Variants in HECW1 observed in about 807,000 individuals in gnomAD.
HECW1 encodes E3 ubiquitin-protein ligase HECW1.
In HECW1, 61 loss-of-function variants were observed where a neutral mutation model predicts 182.3. The ratio of observed to expected loss-of-function variants is 0.33; its 90% CI spans 0.27 to 0.41. HECW1 has a LOEUF of 0.41. Among genes scored for constraint, HECW1 ranks in the 10% least tolerant of loss-of-function variants. HECW1 has a pLI of 1.00. For synonymous variants in HECW1, 859 were observed against 832.6 expected (o/e 1.03, Z -0.55); for missense variants, 1,739 against 2,108.9 (o/e 0.82, Z 3.44).
At chr7:43,536,128 A>G (rs1189936227) in intron 24 of HECW1, among the ~76,000 whole-genome samples, 43 of 152,216 alleles carry the variant, frequency 2.8e-4, no homozygotes, top group Admixed American at 2.7e-3. Flanking sequence ...GATCCTCAAT[A>G]GAAAGGATTT....
At chr7:43,403,875 AT>A (rs1354397408) in intron 7 of HECW1, among the ~76,000 whole-genome samples, 2 of 152,118 alleles carry the variant, frequency 1.3e-5, no homozygotes, top group African/African-American at 4.8e-5. Context: ...TTAAAATTCT[AT>A]TTTTTCATTC....
intron 8 of HECW1, among the ~76,000 whole-genome samples, chr7:43,433,813 G>A (rs1295224158): frequency 6.6e-6 from 1 of 152,184 alleles, no homozygotes; most frequent in Non-Finnish European, 1.5e-5. Flanking sequence ...AGAAGATGAG[G>A]AGCCATTTAT....
At chr7:43,280,887 G>C (rs1803808482) in intron 3 of HECW1, among the ~76,000 whole-genome samples, 1 of 152,180 alleles carries the variant, frequency 6.6e-6, no homozygotes, top group Admixed American at 6.5e-5. Context: ...GCAGTTAAGA[G>C]AGGGGAAGTC....
At chr7:43,214,432 T>A (rs532226114) in intron 2 of HECW1, among the ~76,000 whole-genome samples, 1 of 152,218 alleles carries the variant, frequency 6.6e-6, no homozygotes, top group Non-Finnish European at 1.5e-5. Context: ...CTTTTCTGAG[T>A]AATAGGTACA....
intron 8 of HECW1, among the ~76,000 whole-genome samples, chr7:43,419,723 C>G (rs140813469): frequency 6.6e-6 from 1 of 152,272 alleles, no homozygotes; most frequent in South Asian, 2.1e-4. Context: ...GTTAGAAATG[C>G]TTGTTTCCCA....
chr7:43,272,696 A>AG (rs1237814568), intron 3 of HECW1, among the ~76,000 whole-genome samples: 1 of 152,182 alleles, frequency 6.6e-6, no homozygotes, highest in Non-Finnish European at 1.5e-5. Context: ...TGTGGAGAAA[A>AG]GGGAACATTT....
chr7:43,430,051 T>G (rs1417936258), intron 8 of HECW1, among the ~76,000 whole-genome samples: 1 of 152,250 alleles, frequency 6.6e-6, no homozygotes, highest in East Asian at 1.9e-4. Context: ...TTAACTTTCC[T>G]TACCAGTTTT....
chr7:43,314,996 G>C (rs1362723982), intron 4 of HECW1, among the ~76,000 whole-genome samples: 7 of 152,194 alleles, frequency 4.6e-5, no homozygotes, highest in Admixed American at 4.6e-4. Context: ...GCACAGCATT[G>C]TGGTGCAGTG....
At chr7:43,191,439 G>A (rs564239034) in intron 2 of HECW1, among the ~76,000 whole-genome samples, 3 of 152,316 alleles carry the variant, frequency 2.0e-5, no homozygotes, top group African/African-American at 4.8e-5. Context: ...GGGGACATGC[G>A]AGGTGTCACC....
chr7:43,440,338 T>G (rs1266715353), intron 9 of HECW1: 1 of 152,406 alleles, frequency 6.6e-6, no homozygotes, highest in Non-Finnish European at 1.5e-5. Flanking sequence ...ACATGCACTC[T>G]CATTTCCAAT....
chr7:43,537,338 G>T (rs2081214774), intron 24 of HECW1, among the ~76,000 whole-genome samples: 2 of 152,182 alleles, frequency 1.3e-5, no homozygotes, highest in African/African-American at 2.4e-5. Flanking sequence ...ATTTAATTTT[G>T]CTTAAATTAT....
chr7:43,254,845 G>T (rs6946828), intron 3 of HECW1, among the ~76,000 whole-genome samples: 17,596 of 152,214 alleles, frequency 0.12, 2,071 homozygotes, highest in African/African-American at 0.3. Context: ...GTCTTTGCTA[G>T]AGTCATTTAT....
intron 11 of HECW1, among the ~76,000 whole-genome samples, chr7:43,450,430 C>A (rs1209519329): frequency 6.6e-6 from 1 of 152,170 alleles, no homozygotes; most frequent in African/African-American, 2.4e-5. Flanking sequence ...GCCCAAGGAA[C>A]TTTTGTGGAA....
At chr7:43,453,633 TTAATA>T (rs2152886445) in intron 12 of HECW1, among the ~76,000 whole-genome samples, 1 of 152,360 alleles carries the variant, frequency 6.6e-6, no homozygotes, top group East Asian at 1.9e-4. Context: ...TAGGTTTTTG[TTAATA>T]TAATAACTAA....
At chr7:43,167,049 G>A (rs1316353327) in intron 2 of HECW1, among the ~76,000 whole-genome samples, 4 of 152,210 alleles carry the variant, frequency 2.6e-5, no homozygotes, top group Non-Finnish European at 5.9e-5. Context: ...TGAGATAGTG[G>A]ATTCACTTCC....
chr7:43,371,179 G>A (rs1242277717), intron 6 of HECW1, among the ~76,000 whole-genome samples: 5 of 152,212 alleles, frequency 3.3e-5, no homozygotes, highest in South Asian at 2.1e-4. Context: ...GAGCCACCAC[G>A]CCTGGCCAAT....
chr7:43,327,347 C>T (rs959803643), intron 5 of HECW1, among the ~76,000 whole-genome samples: 8 of 152,126 alleles, frequency 5.3e-5, no homozygotes, highest in Non-Finnish European at 1.2e-4. Context: ...CAAGACTCCC[C>T]CCACCGCTGC....
chr7:43,476,726 T>C (rs2078231587), intron 16 of HECW1, among the ~76,000 whole-genome samples: 1 of 152,082 alleles, frequency 6.6e-6, no homozygotes, highest in Non-Finnish European at 1.5e-5. Flanking sequence ...TTTGGAAAAG[T>C]GAGCTCTCTG....
chr7:43,474,451 AAAAT>A (rs571183399), intron 16 of HECW1, among the ~76,000 whole-genome samples: 1 of 152,258 alleles, frequency 6.6e-6, no homozygotes, highest in East Asian at 1.9e-4. Context: ...TCTGTCTCAA[AAAAT>A]AAATAAATAA....
Sources: allele counts gnomAD v4.1 joint callset (sites outside exome capture counted in the v4.1 genomes callset), GRCh38; gene constraint gnomAD v4.1.1; transcripts MANE v1.5; gene names NCBI Gene and HGNC (gene_info 2026-07-23, HGNC 2026-07-21).